Variants in AFM observed in about 807,000 individuals in gnomAD.
The protein encoded by AFM is alpha-Alb.
A neutral mutation model predicts 68.7 loss-of-function variants in AFM; 82 were observed. The ratio of observed to expected loss-of-function variants is 1.19; its 90% CI spans 1.00 to 1.43. The LOEUF (loss-of-function observed/expected upper bound fraction) is 1.43. Ranked by LOEUF, AFM falls within the 40% of genes most tolerant of loss-of-function variation. AFM has a pLI of 0.00. For synonymous variants in AFM, 250 were observed against 234.2 expected (o/e 1.07, Z -0.61); for missense variants, 772 against 701.8 (o/e 1.10, Z -1.13).
intron 8 of AFM, among the ~76,000 whole-genome samples, chr4:73,493,859 C>T (rs976759254): frequency 2.0e-5 from 3 of 152,072 alleles, no homozygotes; most frequent in East Asian, 1.9e-4. Flanking sequence ...TTTTTATAAT[C>T]GTCACTATTA....
At chr4:73,491,846 T>C (rs570706605) in intron 7 of AFM, 26 bp from the exon 8 acceptor site, 1 of 1,593,216 alleles carries the variant, frequency 6.3e-7, no homozygotes, top group South Asian at 1.1e-5. Flanking sequence ...GAAAGTAAAA[T>C]AATCTCTCAT....
At chr4:73,484,175 T>C in intron 2 of AFM, 83 bp from the exon 3 acceptor site, 2 of 1,504,228 alleles carry the variant, frequency 1.3e-6, no homozygotes, top group Non-Finnish European at 1.8e-6. Context: ...CTGAGGCTAG[T>C]CAGGATGTTC....
At chr4:73,502,036 A>G (rs1427540178) in intron 13 of AFM, 117 bp downstream of exon 13, 1 of 1,118,364 alleles carries the variant, frequency 8.9e-7, no homozygotes, top group Admixed American at 2.5e-5. Context: ...TACATTTGAG[A>G]GCACAATTGC....
In AFM at chr4:73,485,850, T is replaced by G; in HGVS notation, c.271-12T>G. 6.2e-7 allele frequency: 1 copy of G among 1,609,984 alleles called. No individual in the cohort carries two copies. ...ATGACTAAAAATTGTCCTTTTCTTC[T>G]CTGTTGTATAGAATAATGTTTTACA... is the stretch of plus-strand genomic sequence containing the variant. On this transcript the variant is annotated splice_polypyrimidine_tract_variant and intron_variant, in intron 3 of 14. Coordinates refer to ENST00000226355, the MANE Select transcript of AFM (RefSeq NM_001133.2).
In AFM at chr4:73,503,063, G is replaced by T. The variant is rs1308025899; in HGVS notation, c.1793G>T (p.Gly598Val). The T allele has an allele frequency of 3.1e-6, 5 of 1,613,032 alleles. No individual in the cohort carries two copies. Among genetic ancestry groups the T allele is most frequent in the South Asian group, 2.2e-5 (2 of 91,016 alleles). ...VCFNEESPKI[G>V]N ...CCCTCACCTCAGAGTCCAAAAATTG[G>T]CAACTGAAGCCAGCTGCTGGAGATA... The change falls in exon 14 of 15, where the codon GGC (glycine) becomes GTC (valine). Residue 598 changes from glycine (G) to valine (V), a missense_variant. By Grantham distance (109) the Gly-to-Val change is moderately radical. Coordinates refer to ENST00000226355, the MANE Select transcript of AFM (RefSeq NM_001133.2).
chr4:73,491,801 A>C, intron 7 of AFM, 71 bp from the exon 8 acceptor site: 1 of 1,236,508 alleles, frequency 8.1e-7, no homozygotes, highest in African/African-American at 1.5e-5. Flanking sequence ...CTGGTTTTGC[A>C]TGCCATCATT....
In AFM at chr4:73,484,446, CTT is replaced by C. The variant is rs1430903960; in HGVS notation, c.270+58_270+59del. 7 of 180,802 alleles carry C rather than the reference CTT, an allele frequency of 3.9e-5. No individual in the cohort carries two copies. The Admixed American group carries it at 4.5e-4, about 12-fold the overall frequency. 11.2% of individuals were successfully genotyped at this position (180,802 alleles called of 1,614,324 possible). A position where few individuals can be genotyped will look rare whatever the true frequency, so the allele number is the denominator to read the frequency against. ...TTATCTTATGTCTTTCTTTCTCTTT[CTT>C]TCTTTCTTTCTTTCTTTCTTTCTTT... On this transcript the variant is annotated intron_variant, in intron 3 of 14. Coordinates refer to ENST00000226355, the MANE Select transcript of AFM (RefSeq NM_001133.2).
chr4:73,498,164 T>C (rs940079188), intron 10 of AFM, among the ~76,000 whole-genome samples: 4 of 152,336 alleles, frequency 2.6e-5, no homozygotes, highest in African/African-American at 9.6e-5. Context: ...TCAGGATGTG[T>C]TTAACACTTT....
At chr4:73,491,815 T>C (rs951718883) in intron 7 of AFM, 57 bp from the exon 8 acceptor site, 3 of 1,452,156 alleles carry the variant, frequency 2.1e-6, no homozygotes, top group Non-Finnish European at 2.9e-6. Context: ...CATCATTCCA[T>C]AATGGAAGAA....
chr4:73,486,873 CTCCCTTCCCT>C lies in AFM; in HGVS notation c.483-77_483-68del, dbSNP rs149807908. The C allele has an allele frequency of 2.6e-5, 31 of 1,213,384 alleles. No individual in the cohort carries two copies. The East Asian group carries it at 4.6e-4, about 18-fold the overall frequency. The allele number at this position is 1,213,384 out of a possible 1,614,324, so 75.2% of individuals were successfully genotyped here. On this transcript the variant is annotated intron_variant, in intron 4 of 14. Transcript: ENST00000226355. Reference sequence around the variant, plus strand: ...TTTTTCTTTTCCTTCCCATCTTACCCTCCCTTCCCTTCCCTTCCCTTCCCTTGTCTACATT... The same window carrying C: ...TTTTTCTTTTCCTTCCCATCTTACCCTCCCTTCCCTTCCCTTGTCTACATT...
intron 1 of AFM, among the ~76,000 whole-genome samples, chr4:73,483,586 A>C (rs535331585): frequency 8.5e-5 from 13 of 152,248 alleles, no homozygotes; most frequent in African/African-American, 3.1e-4. Context: ...TGAATCAGCC[A>C]TTAGTTAATC....
chr4:73,497,838 T>G (rs1721300687), intron 10 of AFM, 89 bp downstream of exon 10: 1 of 780,512 alleles, frequency 1.3e-6, no homozygotes, highest in African/African-American at 1.8e-5. Flanking sequence ...TGTCAAGTTT[T>G]TCAGTTATGG....
chr4:73,483,496 T>C (rs371235032), intron 1 of AFM, among the ~76,000 whole-genome samples: 7 of 152,356 alleles, frequency 4.6e-5, no homozygotes, highest in African/African-American at 1.7e-4. Flanking sequence ...ATGACCTAAA[T>C]AGCTGTGACT....
rs747336556 is a variant in AFM, at chr4:73,499,992, T to A, written c.1423-12T>A. 19 of 1,610,422 alleles carry A rather than the reference T, an allele frequency of 1.2e-5. No individual in the cohort carries two copies. Among genetic ancestry groups the A allele is most frequent in the Non-Finnish European group, 2.5e-6 (3 of 1,177,216 alleles). ...TAAGATCGTATCTCAGTTGCAACTCTTGTTGGTACAGGCAGATTTAGTTTT... is the reference window on the plus strand; with the variant it reads ...TAAGATCGTATCTCAGTTGCAACTCATGTTGGTACAGGCAGATTTAGTTTT... On this transcript the variant is annotated splice_polypyrimidine_tract_variant and intron_variant, in intron 11 of 14. Transcript: ENST00000226355.
At chr4:73,486,094 A>C in intron 4 of AFM, 21 bp downstream of exon 4, 1 of 1,588,916 alleles carries the variant, frequency 6.3e-7, no homozygotes, top group Non-Finnish European at 8.6e-7. Flanking sequence ...TCTTAGTAAA[A>C]AATGATCCAG....
chr4:73,486,909 C>A, intron 4 of AFM, 58 bp from the exon 5 acceptor site: 1 of 1,534,722 alleles, frequency 6.5e-7, no homozygotes, highest in South Asian at 1.2e-5. Flanking sequence ...TGTCTACATT[C>A]ATTGCTTCCT....
Position 73,486,993 on chromosome 4 carries a change from ACC to A in AFM, c.511_512del (p.Pro171IlefsTer15). ...TTTTTATATGAAGTTGCCAGAAGGA[ACC>A]CATTTGTCTTCGCCCCTACACTTCT... On this transcript the variant is annotated frameshift_variant, in exon 5 of 15. Coordinates refer to ENST00000226355, the MANE Select transcript of AFM (RefSeq NM_001133.2). LOFTEE classifies it high-confidence loss of function. 1 of 1,613,396 alleles carries A rather than the reference ACC, an allele frequency of 6.2e-7. No individual in the cohort carries two copies. Among genetic ancestry groups the A allele is most frequent in the Non-Finnish European group, 8.5e-7 (1 of 1,179,654 alleles).
chr4:73,503,258 T>C lies in AFM; in HGVS notation c.*40+148T>C, dbSNP rs539968907. 164 of 642,754 alleles carry C rather than the reference T, an allele frequency of 2.6e-4. No homozygotes were observed. In the Middle Eastern group the frequency reaches 3.1e-3, roughly 12 times the overall value. 39.8% of individuals were successfully genotyped at this position (642,754 alleles called of 1,614,324 possible). ...TGTAGCTAACAGACCCCGATATTGT[T>C]CCTGTGTTTTTCTGGGTATCAGCCA... is the stretch of plus-strand genomic sequence containing the variant. On this transcript the variant is annotated intron_variant, in intron 14 of 14. Transcript: ENST00000226355.
intron 7 of AFM, 58 bp from the exon 8 acceptor site, chr4:73,491,814 A>T: frequency 2.1e-6 from 3 of 1,445,568 alleles, no homozygotes; most frequent in Non-Finnish European, 2.9e-6. Flanking sequence ...CCATCATTCC[A>T]TAATGGAAGA....
Sources: allele counts gnomAD v4.1 joint callset (sites outside exome capture counted in the v4.1 genomes callset), GRCh38; gene constraint gnomAD v4.1.1; transcripts MANE v1.5; gene names NCBI Gene and HGNC (gene_info 2026-07-23, HGNC 2026-07-21).